KALRN: variants seen among roughly 807,000 people sequenced by gnomAD.
The protein encoded by KALRN is kalirin RhoGEF kinase.
In KALRN, 70 loss-of-function variants were observed where a neutral mutation model predicts 353.7. The ratio of observed to expected loss-of-function variants is 0.20; its 90% CI spans 0.16 to 0.24. The LOEUF is 0.24. Among genes scored for constraint, KALRN ranks in the 10% least tolerant of loss-of-function variants. KALRN has a pLI of 1.00. For missense variants in KALRN, 2,791 were observed against 3,756.7 expected, an observed-to-expected ratio of 0.74 and a Z score of 6.72; for synonymous variants, 1,391 against 1,434.8, an observed-to-expected ratio of 0.97 and a Z score of 0.69.
intron 57 of KALRN, among the ~76,000 whole-genome samples, chr3:124,707,394 T>TTTCCTTCCTTCCTTCCTTCC (rs368400674): frequency 1.6e-4 from 22 of 140,802 alleles, no homozygotes; most frequent in African/African-American, 3.4e-4. Flanking sequence ...AGAATAGCAG[T>TTTCCTTCCTTCCTTCCTTCC]TTCCTTCCTT....
rs77361012 is a variant in KALRN at position 124,488,201 on chromosome 3, C to T, written c.4285-3C>T. The T allele has an allele frequency of 3.7e-6, 6 of 1,603,630 alleles. No individual in the cohort carries two copies. The highest frequency in any genetic ancestry group is 5.1e-6 in the Non-Finnish European group (6 of 1,173,230). On this transcript the variant is annotated splice_polypyrimidine_tract_variant and splice_region_variant and intron_variant, in intron 28 of 59. Coordinates refer to ENST00000682506, the MANE Select transcript of KALRN (RefSeq NM_001388419.1). ...AATTATGTCCGGACTTTTTTTTCCC[C>T]AGGAACTTTTAACTTGCTGTGAAGA...
intron 33 of KALRN, among the ~76,000 whole-genome samples, chr3:124,517,139 T>C (rs1408685123): frequency 6.6e-6 from 1 of 152,196 alleles, no homozygotes; most frequent in Non-Finnish European, 1.5e-5. Flanking sequence ...CTTAAGCCAC[T>C]TTTGCCCTGT....
intron 34 of KALRN, among the ~76,000 whole-genome samples, chr3:124,603,806 G>C (rs939683302): frequency 2.6e-5 from 4 of 152,070 alleles, no homozygotes; most frequent in Non-Finnish European, 5.9e-5. Context: ...GAACTTGATG[G>C]GGGCAAAAGG....
At chr3:124,231,552 A>C (rs2079151554) in intron 2 of KALRN, among the ~76,000 whole-genome samples, 1 of 152,192 alleles carries the variant, frequency 6.6e-6, no homozygotes, top group Non-Finnish European at 1.5e-5. Context: ...TTCCAAGATC[A>C]GTTCCACAGG....
chr3:124,413,496 T>C lies in KALRN; in HGVS notation c.2373T>C (p.Asn791=). Residue 791 remains asparagine (N), a synonymous_variant, in exon 14 of 60, where the codon AAT becomes AAC. Coordinates refer to ENST00000682506, the MANE Select transcript of KALRN (RefSeq NM_001388419.1). Reference sequence around the variant, plus strand: ...TGACAGCAGAGCTAGACGCCTGGAATGAAGACTTGCTTCGGCAGATGAATG... The same window carrying C: ...TGACAGCAGAGCTAGACGCCTGGAACGAAGACTTGCTTCGGCAGATGAATG... The part of the protein sequence containing the change: ...IEVTAELDAW[N]EDLLRQMNDF... 1.9e-6 allele frequency: 3 copies of C among 1,614,134 alleles called. No homozygotes were observed. In the South Asian group the frequency reaches 3.3e-5, roughly 18 times the overall value.
At chr3:124,186,571 C>A (rs1463014672) in intron 1 of KALRN, among the ~76,000 whole-genome samples, 3 of 152,188 alleles carry the variant, frequency 2.0e-5, no homozygotes, top group Non-Finnish European at 4.4e-5. Context: ...TGAATCCATG[C>A]AGTGCCCAAC....
At chr3:124,547,502 G>C (rs1488750152) in intron 33 of KALRN, among the ~76,000 whole-genome samples, 1 of 149,288 alleles carries the variant, frequency 6.7e-6, no homozygotes, top group African/African-American at 2.5e-5. Flanking sequence ...GTAGAGGCAG[G>C]GCTGTGTTGC....
chr3:124,430,763 A>G lies in KALRN; in HGVS notation c.2817A>G (p.Gln939=), dbSNP rs375780039. 6.2e-7 allele frequency: 1 copy of G among 1,613,986 alleles called. No homozygotes were observed. The highest frequency in any genetic ancestry group is 1.3e-5 in the African/African-American group (1 of 75,074). ...TGCAGCGGGAGCACGAGCAGTTCCA[A>G]CTGGCCATCGAGGTAACACCCAAAT... ...EQLQREHEQF[Q]LAIESLFHAT... is the part of the protein sequence containing the mutation. The change falls in exon 16 of 60, where the codon CAA becomes CAG. Residue 939 remains glutamine, a synonymous_variant. Coordinates refer to ENST00000682506, the MANE Select transcript of KALRN (RefSeq NM_001388419.1).
At chr3:124,540,164 G>A (rs886869909) in intron 33 of KALRN, among the ~76,000 whole-genome samples, 2 of 152,022 alleles carry the variant, frequency 1.3e-5, no homozygotes, top group African/African-American at 4.8e-5. Flanking sequence ...CAAGCATTCC[G>A]CCCACCTTGG....
intron 6 of KALRN, among the ~76,000 whole-genome samples, chr3:124,321,065 A>G (rs184476760): frequency 6.6e-6 from 1 of 152,330 alleles, no homozygotes; most frequent in East Asian, 1.9e-4. Context: ...TTTAGAGTTA[A>G]TGTCAATCTC....
chr3:124,388,261 T>A (rs1314695932), intron 11 of KALRN, among the ~76,000 whole-genome samples: 1 of 152,198 alleles, frequency 6.6e-6, no homozygotes, highest in African/African-American at 2.4e-5. Flanking sequence ...TTTTTCTTAG[T>A]GTTTCTTTAA....
At chr3:124,256,716 A>G (rs2072048778) in intron 3 of KALRN, among the ~76,000 whole-genome samples, 1 of 152,128 alleles carries the variant, frequency 6.6e-6, no homozygotes, top group African/African-American at 2.4e-5. Context: ...GGGTCAGGAG[A>G]TGACTCTGTG....
intron 1 of KALRN, among the ~76,000 whole-genome samples, chr3:124,124,976 T>C (rs1197803951): frequency 6.6e-6 from 1 of 152,146 alleles, no homozygotes; most frequent in Non-Finnish European, 1.5e-5. Context: ...CTGTATATGG[T>C]AATGCGTGGG....
intron 1 of KALRN, among the ~76,000 whole-genome samples, chr3:124,113,362 G>A (rs182889527): frequency 1.3e-5 from 2 of 152,334 alleles, no homozygotes; most frequent in Middle Eastern, 3.4e-3. Flanking sequence ...ACTTTTGGAT[G>A]AGAAGGGGAT....
At chr3:124,599,657 G>C (rs1042661929) in intron 34 of KALRN, among the ~76,000 whole-genome samples, 47 of 152,192 alleles carry the variant, frequency 3.1e-4, no homozygotes, top group South Asian at 1.5e-3. Context: ...GTACTCAGTG[G>C]CCTTTACGAT....
chr3:124,518,742 G>T, intron 33 of KALRN: 1 of 1,372,430 alleles, frequency 7.3e-7, no homozygotes, highest in South Asian at 1.6e-5. Context: ...ACCTGTGAGA[G>T]GCCCAATGGC....
At chr3:124,246,933 T>C (rs1353973558) in intron 3 of KALRN, among the ~76,000 whole-genome samples, 1 of 152,176 alleles carries the variant, frequency 6.6e-6, no homozygotes, top group Non-Finnish European at 1.5e-5. Context: ...GAAAAGGATG[T>C]GTTTTTCAGT....
chr3:124,428,120 C>T (rs948435023), intron 15 of KALRN, among the ~76,000 whole-genome samples: 1 of 152,102 alleles, frequency 6.6e-6, no homozygotes, highest in African/African-American at 2.4e-5. Context: ...AGAAGAATAA[C>T]TAGCCAGTTT....
intron 6 of KALRN, among the ~76,000 whole-genome samples, chr3:124,316,850 A>G (rs1485944871): frequency 2.0e-5 from 3 of 152,240 alleles, no homozygotes; most frequent in Non-Finnish European, 2.9e-5. Flanking sequence ...GAATTAATCA[A>G]TGGATGAATA....
Sources: allele counts gnomAD v4.1 joint callset (sites outside exome capture counted in the v4.1 genomes callset), GRCh38; gene constraint gnomAD v4.1.1; transcripts MANE v1.5; gene names NCBI Gene and HGNC (gene_info 2026-07-23, HGNC 2026-07-21).